Variants in HPSE2 observed in about 807,000 individuals in gnomAD.
HPSE2 encodes heparanase 2 (inactive), also known as inactive heparanase-2.
HPSE2 carries 38 observed loss-of-function variants against 60.5 expected under a neutral mutation model. That is an observed-to-expected ratio of 0.63 (90% CI 0.48 to 0.82). The LOEUF is 0.82. HPSE2 is among the 40% of genes least tolerant of loss of function. HPSE2 has a pLI of 0.00. For missense variants in HPSE2, 713 were observed against 740.4 expected (o/e 0.96, Z 0.43); for synonymous variants, 295 against 293.2 (o/e 1.01, Z -0.06).
chr10:98,625,493 G>T (rs1946182957), intron 7 of HPSE2, among the ~76,000 whole-genome samples: 1 of 152,160 alleles, frequency 6.6e-6, no homozygotes, highest in South Asian at 2.1e-4. Context: ...AGGATTTTAT[G>T]TGTTATCAAG....
intron 3 of HPSE2, among the ~76,000 whole-genome samples, chr10:99,112,415 G>GTGTTTTGTTT (rs72389662): frequency 0.012 from 1,599 of 135,990 alleles, 33 homozygotes; most frequent in African/African-American, 0.035. Flanking sequence ...TTTTTTTGTT[G>GTGTTTTGTTT]TGTTTTGTTT....
intron 6 of HPSE2, among the ~76,000 whole-genome samples, chr10:98,645,898 C>T (rs902867059): frequency 6.6e-6 from 1 of 152,144 alleles, no homozygotes; most frequent in African/African-American, 2.4e-5. Flanking sequence ...TGGCGTGAAC[C>T]CGGGAGGCGG....
chr10:98,593,782 C>T (rs1945155265), intron 9 of HPSE2, among the ~76,000 whole-genome samples: 1 of 152,032 alleles, frequency 6.6e-6, no homozygotes, highest in Non-Finnish European at 1.5e-5. Flanking sequence ...ACAATATCTC[C>T]AGTTATATTA....
At chr10:98,466,526 G>A (rs1411343086) in intron 11 of HPSE2, among the ~76,000 whole-genome samples, 4 of 151,214 alleles carry the variant, frequency 2.6e-5, no homozygotes, top group Non-Finnish European at 2.9e-5. Flanking sequence ...CAGGAGAATC[G>A]CTTGAACTCG....
chr10:99,237,537 C>A (rs944110866), upstream of HPSE2, among the ~76,000 whole-genome samples: 1 of 152,066 alleles, frequency 6.6e-6, no homozygotes, highest in Admixed American at 6.5e-5. Flanking sequence ...ATCTGTGAAG[C>A]GCCATGACGA....
chr10:99,029,443 G>A (rs963542444), intron 3 of HPSE2, among the ~76,000 whole-genome samples: 13 of 152,074 alleles, frequency 8.5e-5, no homozygotes, highest in East Asian at 1.9e-4. Context: ...CGCAGAGACC[G>A]GTAGTGGCCC....
At chr10:98,696,674 GAGGGGTGACCAGCACC>G (rs970117493) in intron 5 of HPSE2, among the ~76,000 whole-genome samples, 3 of 152,220 alleles carry the variant, frequency 2.0e-5, no homozygotes, top group African/African-American at 7.2e-5. Flanking sequence ...CTCCCAGGAG[GAGGGGTGACCAGCACC>G]ACAGCTGTGG....
intron 3 of HPSE2, among the ~76,000 whole-genome samples, chr10:98,952,982 C>T (rs375170221): frequency 6.6e-6 from 1 of 152,172 alleles, no homozygotes; most frequent in African/African-American, 2.4e-5. Flanking sequence ...CAGTCCAAAG[C>T]AGTAGTGGTA....
At chr10:98,658,824 TAGAC>T (rs1358066592) in intron 6 of HPSE2, among the ~76,000 whole-genome samples, 1 of 152,170 alleles carries the variant, frequency 6.6e-6, no homozygotes, top group African/African-American at 2.4e-5. Context: ...ATGACATTTT[TAGAC>T]AGCCAAATTT....
intron 3 of HPSE2, among the ~76,000 whole-genome samples, chr10:99,110,750 A>G (rs1453469719): frequency 6.6e-6 from 1 of 152,132 alleles, no homozygotes; most frequent in Non-Finnish European, 1.5e-5. Flanking sequence ...CAGTCAAATC[A>G]TCATTATTTT....
At chr10:98,903,518 T>C (rs966755793) in intron 3 of HPSE2, among the ~76,000 whole-genome samples, 2 of 152,154 alleles carry the variant, frequency 1.3e-5, no homozygotes, top group Non-Finnish European at 2.9e-5. Flanking sequence ...TATACCTCTT[T>C]AGTGCTAAGA....
chr10:99,094,952 C>T, intron 3 of HPSE2, among the ~76,000 whole-genome samples: 1 of 151,978 alleles, frequency 6.6e-6, no homozygotes, highest in South Asian at 2.1e-4. Flanking sequence ...CTTTGGGAGG[C>T]CAAGGTGGGA....
chr10:99,164,023 G>A lies in HPSE2; in HGVS notation c.449-19624C>T, dbSNP rs1564858689. ...CTTTGTAATTAATGAATATTTTGTA[G>A]GAGATATTTTAAGGCTATGCAATAG... On this transcript the variant is annotated intron_variant, in intron 2 of 11. Coordinates refer to ENST00000370552, the MANE Select transcript of HPSE2 (RefSeq NM_021828.5). 2.0e-5 allele frequency among the ~76,000 whole-genome samples: 3 copies of A among 151,348 alleles called. No homozygotes were observed. In the South Asian group the frequency reaches 6.3e-4, roughly 32 times the overall value.
intron 3 of HPSE2, among the ~76,000 whole-genome samples, chr10:98,912,810 T>C (rs1226171326): frequency 1.5e-4 from 22 of 151,480 alleles, no homozygotes; most frequent in Admixed American, 1.4e-3. Flanking sequence ...AGTGAGGAGG[T>C]GGGGATGGTT....
chr10:98,529,139 A>G lies in HPSE2; in HGVS notation c.1321-38943T>C, dbSNP rs147488800. Among the ~76,000 whole-genome samples, 42 of 152,382 alleles carry G rather than the reference A, an allele frequency of 2.8e-4. No individual in the cohort carries two copies. The East Asian group carries it at 7.7e-3, about 28-fold the overall frequency. On this transcript the variant is annotated intron_variant, in intron 9 of 11. Transcript: ENST00000370552. Reference sequence around the variant, plus strand: ...CACACTCAGTGATAGCCTCACACACAGAAGATGAATTATGCAAGTAAATTT... The same window carrying G: ...CACACTCAGTGATAGCCTCACACACGGAAGATGAATTATGCAAGTAAATTT...
At chr10:98,821,568 A>G (rs2801403) in intron 3 of HPSE2, among the ~76,000 whole-genome samples, 7,539 of 152,254 alleles carry the variant, frequency 0.05, 584 homozygotes, top group African/African-American at 0.17. Flanking sequence ...CTTCAGCCCA[A>G]CAAGCAGAAC....
chr10:98,768,498 C>A (rs1000180928), intron 3 of HPSE2, among the ~76,000 whole-genome samples: 1 of 152,162 alleles, frequency 6.6e-6, no homozygotes, highest in Non-Finnish European at 1.5e-5. Flanking sequence ...ATGGTGAGCA[C>A]AATTTCAGAT....
intron 9 of HPSE2, among the ~76,000 whole-genome samples, chr10:98,608,305 G>C (rs1047408317): frequency 1.1e-4 from 16 of 152,196 alleles, no homozygotes; most frequent in African/African-American, 3.9e-4. Context: ...TTTTGAGCTT[G>C]CACCTTCTGA....
chr10:98,459,608 T>A lies in HPSE2; in HGVS notation c.1745A>T (p.Lys582Met). The A allele has an allele frequency of 3.7e-6, 6 of 1,614,174 alleles. No homozygotes were observed. The highest frequency in any genetic ancestry group is 5.1e-6 in the Non-Finnish European group (6 of 1,180,030). The change falls in exon 12 of 12, where the codon AAG (lysine) becomes ATG (methionine). Residue 582 changes from lysine to methionine, a missense_variant. Physicochemically the swap from Lys to Met is moderately conservative, Grantham distance 95. Coordinates refer to ENST00000370552, the MANE Select transcript of HPSE2 (RefSeq NM_021828.5). ...GCGGCAGGCCAAAGCATTGACATTCTTGACCACATAAAAGCCCATGGTGAC... is the reference window on the plus strand; with the variant it reads ...GCGGCAGGCCAAAGCATTGACATTCATGACCACATAAAAGCCCATGGTGAC... ...PPVTMGFYVVKNVNALACRYR is the reference protein window; with the variant it reads ...PPVTMGFYVVMNVNALACRYR
Sources: gnomAD v4.1 joint callset for allele counts (sites outside exome capture counted in the v4.1 genomes callset) on GRCh38, gnomAD v4.1.1 for gene constraint, MANE v1.5 for transcripts, NCBI Gene and HGNC (gene_info 2026-07-23, HGNC 2026-07-21) for gene names.